The following PLCB1 variants were observed in gnomAD, a reference collection of about 807,000 sequenced individuals.
The protein encoded by PLCB1 is phospholipase C beta 1, also known as 1-phosphatidylinositol 4,5-bisphosphate phosphodiesterase beta-1.
PLCB1 carries 46 observed loss-of-function variants against 161.8 expected under a neutral mutation model. That is an observed-to-expected ratio of 0.28 (90% CI 0.22 to 0.36). PLCB1 has a LOEUF of 0.36. Among genes scored for constraint, PLCB1 ranks in the 10% least tolerant of loss-of-function variants. The pLI is 1.00. For synonymous variants in PLCB1, 517 were observed against 503.7 expected (o/e 1.03, Z -0.35); for missense variants, 1,016 against 1,472.5 (o/e 0.69, Z 5.07).
chr20:8,643,100 C>T (rs1367244912), intron 4 of PLCB1, among the ~76,000 whole-genome samples: 1 of 152,156 alleles, frequency 6.6e-6, no homozygotes, highest in East Asian at 1.9e-4. Context: ...CTATTCTGTA[C>T]TGTCTTTTTA....
At chr20:8,428,717 G>A (rs1016492926) in intron 3 of PLCB1, among the ~76,000 whole-genome samples, 5 of 152,158 alleles carry the variant, frequency 3.3e-5, no homozygotes, top group African/African-American at 1.2e-4. Flanking sequence ...AGTTCTACCT[G>A]GTTCAAATGA....
At position 8,308,968 on chromosome 20, in the gene PLCB1, A is replaced by G. The variant is rs145059324; in HGVS notation, c.178-62414A>G. ...TCTCAGATTTGTTGACTTAAAATCC[A>G]TATAGTTTTTTTTTTAAATGTGGAC... On this transcript the variant is annotated intron_variant, in intron 2 of 31. Coordinates refer to ENST00000338037, the MANE Select transcript of PLCB1 (RefSeq NM_015192.4). 1.5e-3 allele frequency among the ~76,000 whole-genome samples: 231 copies of G among 152,260 alleles called. 1 individual carries two copies. Among genetic ancestry groups the G allele is most frequent in the African/African-American group, 5.5e-3 (227 of 41,562 alleles).
intron 2 of PLCB1, among the ~76,000 whole-genome samples, chr20:8,352,885 G>T (rs1443312043): frequency 6.6e-6 from 1 of 152,138 alleles, no homozygotes; most frequent in Non-Finnish European, 1.5e-5. Flanking sequence ...TGTGACATCA[G>T]TGTGAACTCA....
At chr20:8,644,553 G>A (rs369776886) in intron 4 of PLCB1, among the ~76,000 whole-genome samples, 33,497 of 148,450 alleles carry the variant, frequency 0.23, 3,837 homozygotes, top group Admixed American at 0.33. Flanking sequence ...GAGACCCTCC[G>A]CCCGGCAGCC....
At chr20:8,713,916 G>A (rs1047575949) in intron 12 of PLCB1, among the ~76,000 whole-genome samples, 2 of 152,062 alleles carry the variant, frequency 1.3e-5, no homozygotes, top group East Asian at 1.9e-4. Flanking sequence ...ACACCTGTTT[G>A]GGGATATTTG....
At chr20:8,330,760 T>G (rs970904847) in intron 2 of PLCB1, among the ~76,000 whole-genome samples, 2 of 152,214 alleles carry the variant, frequency 1.3e-5, no homozygotes, top group African/African-American at 4.8e-5. Flanking sequence ...GACATTTTCA[T>G]GCCATTTGTT....
chr20:8,277,583 C>T (rs1982646583), intron 2 of PLCB1, among the ~76,000 whole-genome samples: 1 of 152,100 alleles, frequency 6.6e-6, no homozygotes, highest in South Asian at 2.1e-4. Flanking sequence ...ATCTCAGACT[C>T]CAACCCCAAC....
intron 3 of PLCB1, among the ~76,000 whole-genome samples, chr20:8,488,210 G>C (rs1486172850): frequency 1.3e-5 from 2 of 152,108 alleles, no homozygotes; most frequent in African/African-American, 4.8e-5. Flanking sequence ...GTGAGTCTAG[G>C]AATGTAAATC....
chr20:8,793,465 A>C (rs2146226994), intron 31 of PLCB1, among the ~76,000 whole-genome samples: 1 of 152,262 alleles, frequency 6.6e-6, no homozygotes, highest in South Asian at 2.1e-4. Context: ...TTGAGAAATA[A>C]AGGGACAGAG....
intron 2 of PLCB1, among the ~76,000 whole-genome samples, chr20:8,294,602 G>T (rs578170663): frequency 1.3e-5 from 2 of 151,030 alleles, no homozygotes; most frequent in South Asian, 4.2e-4. Context: ...TTGAAGGTAA[G>T]ATGACCCTGG....
At chr20:8,446,607 G>T (rs985453745) in intron 3 of PLCB1, among the ~76,000 whole-genome samples, 1 of 152,200 alleles carries the variant, frequency 6.6e-6, no homozygotes, top group Non-Finnish European at 1.5e-5. Context: ...TAGGAAAAGA[G>T]GGAGTCAAAT....
At chr20:8,615,816 AC>A (rs577147183) in intron 3 of PLCB1, among the ~76,000 whole-genome samples, 197 of 152,276 alleles carry the variant, frequency 1.3e-3, no homozygotes, top group South Asian at 3.3e-3. Context: ...TGTGTTCTAT[AC>A]CATACCCTGG....
chr20:8,277,701 G>A (rs1276589729), intron 2 of PLCB1, among the ~76,000 whole-genome samples: 2 of 152,106 alleles, frequency 1.3e-5, no homozygotes, highest in Non-Finnish European at 2.9e-5. Context: ...TGTTAATAGG[G>A]AAAGCCATAA....
At chr20:8,316,022 C>G (rs1162622533) in intron 2 of PLCB1, among the ~76,000 whole-genome samples, 2 of 152,154 alleles carry the variant, frequency 1.3e-5, no homozygotes, top group Non-Finnish European at 2.9e-5. Flanking sequence ...ATTTCTTTGC[C>G]TACTTCCAGT....
chr20:8,432,466 C>A (rs1337520843), intron 3 of PLCB1, among the ~76,000 whole-genome samples: 1 of 152,150 alleles, frequency 6.6e-6, no homozygotes, highest in Admixed American at 6.5e-5. Flanking sequence ...ACCCTTATGA[C>A]CTTATTTAAC....
intron 3 of PLCB1, among the ~76,000 whole-genome samples, chr20:8,589,724 T>C (rs1987094254): frequency 6.9e-6 from 1 of 145,512 alleles, no homozygotes; most frequent in Non-Finnish European, 1.5e-5. Flanking sequence ...CAAGCAATCC[T>C]CCCACCTCAG....
At chr20:8,829,279 T>C (rs1274238345) in intron 31 of PLCB1, among the ~76,000 whole-genome samples, 1 of 152,156 alleles carries the variant, frequency 6.6e-6, no homozygotes, top group Non-Finnish European at 1.5e-5. Context: ...AAGAGTGCTG[T>C]CCAGGTTTTC....
intron 31 of PLCB1, among the ~76,000 whole-genome samples, chr20:8,791,837 A>G (rs2146224955): frequency 6.6e-6 from 1 of 152,218 alleles, no homozygotes; most frequent in South Asian, 2.1e-4. Flanking sequence ...GCACCCTTAA[A>G]CTTCTTCCCT....
chr20:8,662,737 A>G (rs1989713945), intron 9 of PLCB1, among the ~76,000 whole-genome samples: 1 of 151,704 alleles, frequency 6.6e-6, no homozygotes, highest in African/African-American at 2.4e-5. Flanking sequence ...GAGGCAGAAG[A>G]TGCTTAGCAA....
Sources: gnomAD v4.1 joint callset for allele counts (sites outside exome capture counted in the v4.1 genomes callset) on GRCh38, gnomAD v4.1.1 for gene constraint, MANE v1.5 for transcripts, NCBI Gene and HGNC (gene_info 2026-07-23, HGNC 2026-07-21) for gene names.